The following WASF3 variants were observed in gnomAD, a reference collection of about 807,000 sequenced individuals.
The protein encoded by WASF3 is actin-binding protein WASF3.
Under a neutral mutation model 46.6 loss-of-function variants are expected in WASF3, and 11 were observed. The observed-to-expected ratio is 0.24, with a 90% CI of 0.15 to 0.39. WASF3 has a LOEUF of 0.39. WASF3 is among the 10% of genes least tolerant of loss of function. The probability of loss-of-function intolerance (pLI) is 1.00; values close to 1 mark genes in which losing one functional copy is unlikely to be tolerated. For missense variants in WASF3, 576 were observed against 669.8 expected, an observed-to-expected ratio of 0.86 and a Z score of 1.55; for synonymous variants, 242 against 259.7, an observed-to-expected ratio of 0.93 and a Z score of 0.65.
At chr13:26,589,955 C>CAGTGT (rs1307907452) in intron 1 of WASF3, among the ~76,000 whole-genome samples, 3 of 152,194 alleles carry the variant, frequency 2.0e-5, no homozygotes, top group African/African-American at 7.2e-5. Context: ...CTCATGAGCT[C>CAGTGT]AGTGTACAGG....
At chr13:26,556,795 G>T (rs888816055), upstream of WASF3, among the ~76,000 whole-genome samples, 1 of 152,150 alleles carries the variant, frequency 6.6e-6, no homozygotes, top group Non-Finnish European at 1.5e-5. Flanking sequence ...CTATTCATTA[G>T]AATTTAAAAT....
At chr13:26,644,858 C>T (rs151154633) in intron 3 of WASF3, among the ~76,000 whole-genome samples, 11 of 152,220 alleles carry the variant, frequency 7.2e-5, no homozygotes, top group Non-Finnish European at 1.6e-4. Flanking sequence ...TGAGCGAGAC[C>T]GCAAGGCCCA....
intron 8 of WASF3, 107 bp downstream of exon 8, chr13:26,681,427 T>G: frequency 7.5e-7 from 1 of 1,337,364 alleles, no homozygotes; most frequent in Non-Finnish European, 1.0e-6. Context: ...CAAGATAGAG[T>G]CAAGGATGAC....
At chr13:26,570,561 T>G (rs1879604655) in intron 1 of WASF3, among the ~76,000 whole-genome samples, 1 of 152,208 alleles carries the variant, frequency 6.6e-6, no homozygotes, top group Admixed American at 6.5e-5. Context: ...TGTTGCACTT[T>G]GCTTTTTTTC....
intron 7 of WASF3, chr13:26,680,093 G>C (rs1339842219): frequency 2.5e-6 from 4 of 1,597,988 alleles, no homozygotes; most frequent in Admixed American, 3.3e-5. Context: ...AGAAAAGTCA[G>C]AACAAGAAAA....
At chr13:26,607,455 A>C (rs1880832442) in intron 1 of WASF3, among the ~76,000 whole-genome samples, 1 of 152,202 alleles carries the variant, frequency 6.6e-6, no homozygotes, top group Non-Finnish European at 1.5e-5. Flanking sequence ...AGCAGAAATA[A>C]AGAATGAACA....
At chr13:26,644,375 C>CT (rs1882086773) in intron 3 of WASF3, among the ~76,000 whole-genome samples, 1 of 152,208 alleles carries the variant, frequency 6.6e-6, no homozygotes, top group Non-Finnish European at 1.5e-5. Flanking sequence ...GGAAACCACT[C>CT]TAGCTTTGGT....
At chr13:26,582,820 G>A (rs1204349047) in intron 1 of WASF3, among the ~76,000 whole-genome samples, 2 of 151,662 alleles carry the variant, frequency 1.3e-5, no homozygotes, top group Non-Finnish European at 2.9e-5. Flanking sequence ...AAAGAAAGCA[G>A]CAATAGAGAG....
At chr13:26,675,093 A>C (rs921231033) in intron 6 of WASF3, among the ~76,000 whole-genome samples, 1 of 151,826 alleles carries the variant, frequency 6.6e-6, no homozygotes, top group African/African-American at 2.4e-5. Context: ...TTCACCCTAT[A>C]CCCACTTAGT....
At chr13:26,611,593 G>C (rs1474315150) in intron 1 of WASF3, among the ~76,000 whole-genome samples, 1 of 152,116 alleles carries the variant, frequency 6.6e-6, no homozygotes. Context: ...AGTCGAATCA[G>C]CTGATCTAGT....
rs1429439735 is a variant in WASF3, at chr13:26,687,142, C to CTA, written c.*1301_*1302dup. 7 of 152,226 alleles carry CTA rather than the reference C, an allele frequency of 4.6e-5. No individual in the cohort carries two copies. Among genetic ancestry groups the CTA allele is most frequent in the African/African-American group, 1.7e-4 (7 of 41,454 alleles). 9.4% of individuals were successfully genotyped at this position (152,226 alleles called of 1,614,324 possible). On this transcript the variant is annotated 3_prime_UTR_variant, in exon 10 of 10. Transcript: ENST00000335327. ...TGGGGAAACTCAAGAATGACAGCTTCTATATTTTGTAATTCTGGATGAAAG... is the reference window on the plus strand; with the variant it reads ...TGGGGAAACTCAAGAATGACAGCTTCTATATATTTTGTAATTCTGGATGAAAG...
At chr13:26,647,141 T>C (rs1045132634) in intron 3 of WASF3, among the ~76,000 whole-genome samples, 2 of 152,234 alleles carry the variant, frequency 1.3e-5, no homozygotes, top group African/African-American at 2.4e-5. Flanking sequence ...AGTGAGACTA[T>C]ATTGAATTTG....
At chr13:26,583,646 T>C (rs1301134402) in intron 1 of WASF3, among the ~76,000 whole-genome samples, 1 of 152,226 alleles carries the variant, frequency 6.6e-6, no homozygotes, top group Non-Finnish European at 1.5e-5. Context: ...TTCAGAAGAA[T>C]GACCCTGAGC....
chr13:26,676,467 T>G, intron 6 of WASF3, 82 bp from the exon 7 acceptor site: 1 of 1,474,508 alleles, frequency 6.8e-7, no homozygotes, highest in South Asian at 1.3e-5. Context: ...GGCATGGGCC[T>G]TGTGCATTAT....
the WASF3 span, among the ~76,000 whole-genome samples, chr13:26,541,535 G>GTTT: frequency 1.8e-4 from 27 of 151,776 alleles, no homozygotes; most frequent in Admixed American, 6.6e-4. Context: ...AGCAGTGTTA[G>GTTT]TTATTATAGG....
chr13:26,631,126 T>G (rs1881637938), intron 2 of WASF3, among the ~76,000 whole-genome samples: 1 of 152,224 alleles, frequency 6.6e-6, no homozygotes, highest in Admixed American at 6.5e-5. Flanking sequence ...CTGATGGTAG[T>G]TTCTTTTGCC....
At chr13:26,627,264 CTATACT>C (rs771751522) in intron 2 of WASF3, among the ~76,000 whole-genome samples, 179 of 122,562 alleles carry the variant, frequency 1.5e-3, no homozygotes, top group Middle Eastern at 0.012. Flanking sequence ...ACATCTTATA[CTATACT>C]TTTTTTTTTA....
At chr13:26,603,515 A>C (rs1423558237) in intron 1 of WASF3, among the ~76,000 whole-genome samples, 1 of 152,192 alleles carries the variant, frequency 6.6e-6, no homozygotes, top group South Asian at 2.1e-4. Context: ...ATATAAAGCA[A>C]CTTTAAGCAC....
chr13:26,636,170 G>C (rs1881812468), intron 2 of WASF3, among the ~76,000 whole-genome samples: 2 of 152,234 alleles, frequency 1.3e-5, no homozygotes, highest in East Asian at 3.9e-4. Flanking sequence ...GCTCCGCCCA[G>C]TTCAAGCTTC....
Sources: gnomAD v4.1 joint callset for allele counts (sites outside exome capture counted in the v4.1 genomes callset) on GRCh38, gnomAD v4.1.1 for gene constraint, MANE v1.5 for transcripts, NCBI Gene and HGNC (gene_info 2026-07-23, HGNC 2026-07-21) for gene names.